UNC13C: variants seen among roughly 807,000 people sequenced by gnomAD.
UNC13C encodes unc-13 homolog C, also known as protein unc-13 homolog C.
A neutral mutation model predicts 245.4 loss-of-function variants in UNC13C; 174 were observed. The ratio of observed to expected loss-of-function variants is 0.71; its 90% confidence interval spans 0.63 to 0.80. The LOEUF is 0.80. Ranked by LOEUF, UNC13C falls within the 30% of genes least tolerant of loss-of-function variation. UNC13C has a pLI of 0.00. For synonymous variants in UNC13C, 992 were observed against 895.1 expected, an observed-to-expected ratio of 1.11 and a Z score of -1.93; for missense variants, 2,829 against 2,602.9, an observed-to-expected ratio of 1.09 and a Z score of -1.89.
chr15:53,877,186 A>T, the UNC13C span, among the ~76,000 whole-genome samples: 1 of 152,302 alleles, frequency 6.6e-6, no homozygotes, highest in African/African-American at 2.4e-5. Context: ...TTAATAAGTT[A>T]CTTTAATATA....
chr15:54,398,178 T>C lies in UNC13C; in HGVS notation c.4847+4997T>C, dbSNP rs569314769. ...TTTATCATGAAAGGGTGTTGGATTTTGTCAAATATCTTTTCTGCTCATAAT... is the reference window on the plus strand; with the variant it reads ...TTTATCATGAAAGGGTGTTGGATTTCGTCAAATATCTTTTCTGCTCATAAT... On this transcript the variant is annotated intron_variant, in intron 18 of 32. Transcript: ENST00000260323. Among the ~76,000 whole-genome samples, 11 of 151,522 alleles carry C rather than the reference T, an allele frequency of 7.3e-5. No homozygotes were observed. In the South Asian group the frequency reaches 1.7e-3, roughly 23 times the overall value.
At chr15:54,390,215 T>C (rs1013277742) in intron 17 of UNC13C, among the ~76,000 whole-genome samples, 2 of 152,238 alleles carry the variant, frequency 1.3e-5, no homozygotes, top group Non-Finnish European at 2.9e-5. Flanking sequence ...ATTTCAATAC[T>C]GTCTTTTGCA....
chr15:54,217,169 C>G (rs1383581862), intron 4 of UNC13C, among the ~76,000 whole-genome samples: 1 of 151,812 alleles, frequency 6.6e-6, no homozygotes, highest in East Asian at 1.9e-4. Context: ...TTGAGAGGAT[C>G]AAAGTAGTGT....
At chr15:53,942,112 C>G in the UNC13C span, among the ~76,000 whole-genome samples, 1 of 152,126 alleles carries the variant, frequency 6.6e-6, no homozygotes, top group African/African-American at 2.4e-5. Flanking sequence ...CATGTATGTT[C>G]ATGACAGCAC....
At chr15:54,039,046 C>A (rs1896705570) in intron 2 of UNC13C, among the ~76,000 whole-genome samples, 1 of 152,108 alleles carries the variant, frequency 6.6e-6, no homozygotes, top group African/African-American at 2.4e-5. Context: ...ACCTACAAAT[C>A]AACGTGCTTT....
At chr15:54,499,995 C>T in intron 20 of UNC13C, 84 bp from the exon 21 acceptor site, 1 of 1,004,204 alleles carries the variant, frequency 1.0e-6, no homozygotes, top group Non-Finnish European at 1.4e-6. Flanking sequence ...CTAAATTACT[C>T]TCATATGCAA....
At chr15:54,170,446 A>G (rs921775962) in intron 4 of UNC13C, among the ~76,000 whole-genome samples, 1 of 152,202 alleles carries the variant, frequency 6.6e-6, no homozygotes, top group Non-Finnish European at 1.5e-5. Context: ...ATAAAAAGAG[A>G]TGATCTATAT....
chr15:54,406,937 G>A (rs1308254069), intron 18 of UNC13C, among the ~76,000 whole-genome samples: 3 of 152,154 alleles, frequency 2.0e-5, no homozygotes, highest in African/African-American at 7.2e-5. Flanking sequence ...ATGATCAGAA[G>A]ATATATAGAA....
intron 4 of UNC13C, among the ~76,000 whole-genome samples, chr15:54,154,340 G>T: frequency 6.6e-6 from 1 of 151,982 alleles, no homozygotes; most frequent in East Asian, 1.9e-4. Flanking sequence ...GACTTAGATT[G>T]TTTTTAACTG....
chr15:53,926,107 T>C, the UNC13C span, among the ~76,000 whole-genome samples: 1 of 151,454 alleles, frequency 6.6e-6, no homozygotes, highest in Non-Finnish European at 1.5e-5. Context: ...GATGATTTAG[T>C]TTTTTAGTTT....
chr15:54,533,088 T>A (rs1445055064), intron 26 of UNC13C, 22 bp downstream of exon 26: 1 of 1,568,820 alleles, frequency 6.4e-7, no homozygotes, highest in Non-Finnish European at 8.7e-7. Flanking sequence ...TGCCCAGTTT[T>A]CTCTTTACTT....
chr15:54,450,516 C>T (rs1347315092), intron 19 of UNC13C, among the ~76,000 whole-genome samples: 1 of 152,234 alleles, frequency 6.6e-6, no homozygotes, highest in East Asian at 1.9e-4. Context: ...AGATGGATCT[C>T]AGACTGCTGT....
the UNC13C span, among the ~76,000 whole-genome samples, chr15:53,874,296 T>C: frequency 7.6e-4 from 103 of 135,738 alleles, 2 homozygotes; most frequent in East Asian, 7.4e-3. Flanking sequence ...TTAATCCCCC[T>C]AACAACCCAA....
chr15:53,974,247 G>A (rs2140937370), upstream of UNC13C, among the ~76,000 whole-genome samples: 1 of 152,238 alleles, frequency 6.6e-6, no homozygotes, highest in East Asian at 1.9e-4. Context: ...GTTTGTTCTG[G>A]CACAAATTTG....
intron 10 of UNC13C, among the ~76,000 whole-genome samples, chr15:54,290,596 G>A (rs12900325): frequency 0.57 from 86,113 of 151,792 alleles, 26,507 homozygotes; most frequent in African/African-American, 0.82. Flanking sequence ...TCTATATCAT[G>A]TATATGTATT....
the UNC13C span, among the ~76,000 whole-genome samples, chr15:53,842,562 T>A: frequency 6.6e-6 from 1 of 152,136 alleles, no homozygotes; most frequent in Non-Finnish European, 1.5e-5. Flanking sequence ...TCTTGAGACT[T>A]TCGTTGAATA....
intron 4 of UNC13C, among the ~76,000 whole-genome samples, chr15:54,209,219 C>T (rs371518528): frequency 6.6e-6 from 1 of 151,994 alleles, no homozygotes; most frequent in African/African-American, 2.4e-5. Context: ...GTCTTAGAAA[C>T]CCAAAGAAGG....
intron 21 of UNC13C, 40 bp from the exon 22 acceptor site, chr15:54,500,795 A>G: frequency 1.9e-6 from 3 of 1,595,268 alleles, no homozygotes; most frequent in Non-Finnish European, 2.6e-6. Flanking sequence ...TTCCGCCTCT[A>G]ATGTACTGTT....
intron 2 of UNC13C, among the ~76,000 whole-genome samples, chr15:54,084,915 T>G (rs1899151634): frequency 1.3e-5 from 2 of 152,098 alleles, no homozygotes; most frequent in Non-Finnish European, 2.9e-5. Flanking sequence ...TCAAAAGTAG[T>G]GGTGTGTTTC....
Sources: allele counts gnomAD v4.1 joint callset (sites outside exome capture counted in the v4.1 genomes callset), GRCh38; gene constraint gnomAD v4.1.1; transcripts MANE v1.5; gene names NCBI Gene and HGNC (gene_info 2026-07-23, HGNC 2026-07-21).